Variants in ITGA11 observed in about 807,000 individuals in gnomAD.
The protein encoded by ITGA11 is integrin alpha-11.
Under a neutral mutation model 141.9 loss-of-function variants are expected in ITGA11, and 97 were observed. The observed-to-expected ratio is 0.68, with a 90% CI of 0.58 to 0.81. The LOEUF is 0.81. ITGA11 is among the 30% of genes least tolerant of loss of function. The probability of loss-of-function intolerance (pLI) is 0.00; values close to 1 mark genes in which losing one functional copy is unlikely to be tolerated. For synonymous variants in ITGA11, 658 were observed against 624.6 expected, an observed-to-expected ratio of 1.05 and a Z score of -0.80; for missense variants, 1,387 against 1,559.2, an observed-to-expected ratio of 0.89 and a Z score of 1.86.
intron 1 of ITGA11, among the ~76,000 whole-genome samples, chr15:68,426,090 G>A (rs1354537826): frequency 6.6e-6 from 1 of 152,208 alleles, no homozygotes; most frequent in African/African-American, 2.4e-5. Context: ...GGGGCTAAGT[G>A]GTTGGACTAC....
In ITGA11 at chr15:68,364,713, G is replaced by A. The variant is rs746540474; in HGVS notation, c.351C>T (p.Ser117=). The change falls in exon 4 of 30, where the codon AGC becomes AGT. Residue 117 remains serine (S), a synonymous_variant. Coordinates refer to ENST00000315757, the MANE Select transcript of ITGA11 (RefSeq NM_001004439.2). ...LSLATNPKDN[S]FLACSPLWSH... The stretch of plus-strand genomic sequence containing the variant: ...AGTGGCAGGTGGCTCTTACCAGGAA[G>A]CTGTTGTCCTTGGGGTTGGTGGCGA... 4 of 1,580,578 alleles carry A rather than the reference G, an allele frequency of 2.5e-6. No individual in the cohort carries two copies. The highest frequency in any genetic ancestry group is 1.7e-5 in the Admixed American group (1 of 58,932).
At position 68,351,362 on chromosome 15, in the gene ITGA11, T is replaced by C. The variant is rs1894906788; in HGVS notation, c.790A>G (p.Lys264Glu). Residue 264 changes from lysine to glutamate, a missense_variant, in exon 8 of 30, where the codon AAG becomes GAG. Transcript: ENST00000315757. Reference protein sequence around the residue: ...FQKGGRKGAKKVMIVITDGES... With the variant: ...FQKGGRKGAKEVMIVITDGES... Reference sequence around the variant, plus strand: ...CCATCTGTGATGACAATCATCACCTTCTTGGCTCCTTTCCTTCCACCCTTC... The same window carrying C: ...CCATCTGTGATGACAATCATCACCTCCTTGGCTCCTTTCCTTCCACCCTTC... 6.2e-7 allele frequency: 1 copy of C among 1,613,966 alleles called. No homozygotes were observed. Among genetic ancestry groups the C allele is most frequent in the Non-Finnish European group, 8.5e-7 (1 of 1,179,874 alleles).
chr15:68,362,365 T>C (rs1263767876), intron 4 of ITGA11, among the ~76,000 whole-genome samples: 2 of 152,268 alleles, frequency 1.3e-5, no homozygotes, highest in African/African-American at 4.8e-5. Context: ...TGTGCTGTAA[T>C]TTCCTTTGGT....
Position 68,308,799 on chromosome 15 carries a change from C to T in ITGA11, c.3175-1103G>A, listed in dbSNP as rs1893285342. 6.8e-6 allele frequency among the ~76,000 whole-genome samples: 1 copy of T among 146,666 alleles called. No homozygotes were observed. Among genetic ancestry groups the T allele is most frequent in the South Asian group, 2.1e-4 (1 of 4,658 alleles). On this transcript the variant is annotated intron_variant, in intron 26 of 29. Coordinates refer to ENST00000315757, the MANE Select transcript of ITGA11 (RefSeq NM_001004439.2). The surrounding 1 kb of genome is among the most constrained non-coding windows in gnomAD (Gnocchi z 5.2). ...AGAAAAGAAAAGGGATTAGAGGACA[C>T]TGAAGATGGAGCTTGCAGCAGCAGA...
intron 2 of ITGA11, among the ~76,000 whole-genome samples, chr15:68,394,078 A>G (rs368640276): frequency 1.7e-4 from 26 of 152,326 alleles, no homozygotes; most frequent in African/African-American, 6.0e-4. Context: ...CAAGACTACT[A>G]TGAACATCTA....
At chr15:68,343,935 T>C (rs1164508876) in intron 10 of ITGA11, among the ~76,000 whole-genome samples, 3 of 152,080 alleles carry the variant, frequency 2.0e-5, no homozygotes, top group African/African-American at 4.8e-5. Flanking sequence ...GCCCTCACCA[T>C]GTGCGGTGCT....
rs375756263 is a variant in ITGA11 at position 68,318,376 on chromosome 15, G to C, written c.2617-1013C>G. On this transcript the variant is annotated intron_variant, in intron 20 of 29. Coordinates refer to ENST00000315757, the MANE Select transcript of ITGA11 (RefSeq NM_001004439.2). ...TGTGAAGTCTGGGCCAGGGAAGCAGGGGAAGGCGGATGCTGGTGTGGGGCT... is the reference window on the plus strand; with the variant it reads ...TGTGAAGTCTGGGCCAGGGAAGCAGCGGAAGGCGGATGCTGGTGTGGGGCT... Among the ~76,000 whole-genome samples the C allele has an allele frequency of 1.1e-3, 165 of 152,310 alleles. 3 individuals carry two copies. The South Asian group carries it at 0.032, about 30-fold the overall frequency.
chr15:68,330,931 A>G (rs1444612688), intron 15 of ITGA11, 50 bp downstream of exon 15: 2 of 1,609,658 alleles, frequency 1.2e-6, no homozygotes. Flanking sequence ...CCCTGGATTC[A>G]TTGTGACTTT....
chr15:68,400,679 A>T (rs1336238588), intron 2 of ITGA11, among the ~76,000 whole-genome samples: 1 of 56,792 alleles, frequency 1.8e-5, no homozygotes, highest in African/African-American at 9.2e-5. Flanking sequence ...ATATTATATA[A>T]TAAATATTAT....
At chr15:68,384,193 T>G (rs1895928239) in intron 2 of ITGA11, among the ~76,000 whole-genome samples, 1 of 150,936 alleles carries the variant, frequency 6.6e-6, no homozygotes, top group Non-Finnish European at 1.5e-5. Flanking sequence ...AGTTTGTGTG[T>G]GTGTCAGAAG....
chr15:68,372,431 G>A (rs1186052745), intron 2 of ITGA11, among the ~76,000 whole-genome samples: 1 of 152,202 alleles, frequency 6.6e-6, no homozygotes, highest in Non-Finnish European at 1.5e-5. Context: ...GGCACCAGAC[G>A]GCACAGCAAA....
In ITGA11 at chr15:68,313,801, C is replaced by T. The variant is rs1485083324; in HGVS notation, c.2860G>A (p.Glu954Lys). 7 of 1,613,800 alleles carry T rather than the reference C, an allele frequency of 4.3e-6. No individual in the cohort carries two copies. Among genetic ancestry groups the T allele is most frequent in the African/African-American group, 2.7e-5 (2 of 74,928 alleles). Reference sequence around the variant, plus strand: ...CACCTGGTGAAGAGGACGTCAGCCTCGTATTTGAGGTGGAAGCGTAAGGGG... The same window carrying T: ...CACCTGGTGAAGAGGACGTCAGCCTTGTATTTGAGGTGGAAGCGTAAGGGG... ...VAPLRFHLKY[E>K]ADVLFTRSSS... Residue 954 changes from glutamate (E) to lysine (K), a missense_variant, in exon 23 of 30, where the codon GAG becomes AAG. Transcript: ENST00000315757.
intron 1 of ITGA11, among the ~76,000 whole-genome samples, chr15:68,411,554 A>G (rs1274046930): frequency 6.6e-6 from 1 of 152,226 alleles, no homozygotes; most frequent in Non-Finnish European, 1.5e-5. Flanking sequence ...GCTCTATGGC[A>G]GAAGAGAGGA....
At position 68,297,737 on chromosome 15, in the gene ITGA11, C is replaced by G. The variant is rs953072231; in HGVS notation, c.*5322G>C. On this transcript the variant is annotated 3_prime_UTR_variant, in exon 30 of 30. Transcript: ENST00000315757. ...ATTCTCATTTCCAGCCTTCACATCT[C>G]AGGAGAGTATTAAAGGGTGGTATTG... 2 of 152,130 alleles carry G rather than the reference C, an allele frequency of 1.3e-5. No individual in the cohort carries two copies. The highest frequency in any genetic ancestry group is 2.9e-5 in the Non-Finnish European group (2 of 68,018). 9.4% of individuals were successfully genotyped at this position (152,130 alleles called of 1,614,324 possible). A position where few individuals can be genotyped will look rare whatever the true frequency, so the allele number is the denominator to read the frequency against.
Position 68,321,650 on chromosome 15 carries a change from T to C in ITGA11, c.2323-147A>G. 6.5e-6 allele frequency: 3 copies of C among 463,656 alleles called. No individual in the cohort carries two copies. The highest frequency in any genetic ancestry group is 4.4e-5 in the South Asian group (1 of 22,538). 28.7% of individuals were successfully genotyped at this position (463,656 alleles called of 1,614,324 possible). A position where few individuals can be genotyped will look rare whatever the true frequency, so the allele number is the denominator to read the frequency against. On this transcript the variant is annotated intron_variant, in intron 18 of 29. Transcript: ENST00000315757. This position sits in a 1 kb window ranked among gnomAD's most constrained non-coding sequence, Gnocchi z 4.9. Reference sequence around the variant, plus strand: ...GACACCACACTGCTCTGTCTTGTGCTTTTCCATAGATGCTTCCCTCTTTAA... The same window carrying C: ...GACACCACACTGCTCTGTCTTGTGCCTTTCCATAGATGCTTCCCTCTTTAA...
intron 4 of ITGA11, 32 bp downstream of exon 4, chr15:68,364,675 C>T (rs752823331): frequency 3.3e-6 from 4 of 1,206,180 alleles, no homozygotes; most frequent in South Asian, 2.4e-5. Flanking sequence ...CCCTGCCTCT[C>T]CTGACCCCAA....
At chr15:68,392,047 A>G (rs1199318113) in intron 2 of ITGA11, among the ~76,000 whole-genome samples, 1 of 152,190 alleles carries the variant, frequency 6.6e-6, no homozygotes, top group Non-Finnish European at 1.5e-5. Flanking sequence ...AGCACCTACT[A>G]AACACCAGGA....
At chr15:68,393,170 G>C (rs150916002) in intron 2 of ITGA11, among the ~76,000 whole-genome samples, 2 of 152,264 alleles carry the variant, frequency 1.3e-5, no homozygotes, top group East Asian at 3.9e-4. Flanking sequence ...CAGATGAATA[G>C]AGGATATCTA....
intron 3 of ITGA11, among the ~76,000 whole-genome samples, chr15:68,366,463 C>T (rs576402965): frequency 1.1e-3 from 171 of 152,212 alleles, no homozygotes; most frequent in African/African-American, 3.3e-3. Context: ...ACTAGAGGGG[C>T]GGCTCCATGC....
Sources: allele counts gnomAD v4.1 joint callset (sites outside exome capture counted in the v4.1 genomes callset), GRCh38; gene constraint gnomAD v4.1.1; non-coding constraint Gnocchi (gnomAD v3.1); transcripts MANE v1.5; gene names NCBI Gene and HGNC (gene_info 2026-07-23, HGNC 2026-07-21).